PRKCA: variants seen among roughly 807,000 people sequenced by gnomAD.
PRKCA encodes protein kinase C alpha type.
Under a neutral mutation model 87.0 loss-of-function variants are expected in PRKCA, and 27 were observed. The ratio of observed to expected loss-of-function variants is 0.31; its 90% CI spans 0.23 to 0.43. PRKCA has a LOEUF of 0.43. PRKCA is among the 20% of genes least tolerant of loss of function. PRKCA has a pLI of 1.00. For synonymous variants in PRKCA, 329 were observed against 311.1 expected (o/e 1.06, Z -0.61); for missense variants, 518 against 852.3 (o/e 0.61, Z 4.88).
intron 16 of PRKCA, among the ~76,000 whole-genome samples, chr17:66,798,416 G>GTGA (rs1975730600): frequency 2.0e-5 from 2 of 98,704 alleles, no homozygotes; most frequent in Non-Finnish European, 4.4e-5. Flanking sequence ...GATGGTGATG[G>GTGA]TGGTGGTGGT....
intron 5 of PRKCA, among the ~76,000 whole-genome samples, chr17:66,650,120 G>A (rs764589950): frequency 2.0e-4 from 31 of 152,188 alleles, no homozygotes; most frequent in Non-Finnish European, 3.2e-4. Flanking sequence ...TAATTGCTAG[G>A]TTAGTTCAAA....
At chr17:66,640,223 G>C (rs1188976210) in intron 3 of PRKCA, among the ~76,000 whole-genome samples, 2 of 152,136 alleles carry the variant, frequency 1.3e-5, no homozygotes, top group Non-Finnish European at 2.9e-5. Flanking sequence ...ATTCGTCCAA[G>C]GCCATGCCTC....
intron 3 of PRKCA, among the ~76,000 whole-genome samples, chr17:66,506,543 T>C (rs1046030290): frequency 2.0e-5 from 3 of 152,154 alleles, no homozygotes; most frequent in African/African-American, 7.2e-5. Context: ...TAACCTAACT[T>C]GATCACCAGT....
At chr17:66,721,780 G>C (rs937919126) in intron 8 of PRKCA, among the ~76,000 whole-genome samples, 1 of 152,128 alleles carries the variant, frequency 6.6e-6, no homozygotes, top group African/African-American at 2.4e-5. Context: ...GGTCTTTATG[G>C]TCTGTACCTT....
intron 3 of PRKCA, among the ~76,000 whole-genome samples, chr17:66,498,774 G>T (rs746823312): frequency 7.2e-5 from 11 of 152,266 alleles, no homozygotes; most frequent in Admixed American, 5.2e-4. Flanking sequence ...GTACGCGCAT[G>T]TGTGCACACA....
At position 66,443,350 on chromosome 17, in the gene PRKCA, G is replaced by A. The variant is rs545983845; in HGVS notation, c.206-52851G>A. On this transcript the variant is annotated intron_variant, in intron 2 of 16. Coordinates refer to ENST00000413366, the MANE Select transcript of PRKCA (RefSeq NM_002737.3). ...GGGGAAAACTATGATGAGGTTGTTG[G>A]CATTTGTTACTCTTGGAAAGAAGTG... 1.2e-3 allele frequency among the ~76,000 whole-genome samples: 180 copies of A among 152,314 alleles called. 1 individual carries two copies. The Middle Eastern group carries it at 0.014, about 12-fold the overall frequency.
chr17:66,773,319 A>T (rs1411906087), intron 13 of PRKCA, among the ~76,000 whole-genome samples: 3 of 152,094 alleles, frequency 2.0e-5, no homozygotes, highest in Non-Finnish European at 4.4e-5. Flanking sequence ...AAAGTGTTTT[A>T]AAACTTCTGT....
intron 3 of PRKCA, among the ~76,000 whole-genome samples, chr17:66,608,577 A>G (rs2143625165): frequency 1.3e-5 from 2 of 152,340 alleles, no homozygotes; most frequent in East Asian, 3.9e-4. Context: ...TTGTTGCTGA[A>G]AAGGAATTCA....
Position 66,619,162 on chromosome 17 carries a change from A to G in PRKCA, c.289-22193A>G, listed in dbSNP as rs567620879. On this transcript the variant is annotated intron_variant, in intron 3 of 16. Coordinates refer to ENST00000413366, the MANE Select transcript of PRKCA (RefSeq NM_002737.3). The stretch of plus-strand genomic sequence containing the variant: ...ACTAGTTTTGCAAACTGGCAGAAGT[A>G]GTGGTTCTTTACTAAGATGGCTCAA... Among the ~76,000 whole-genome samples the G allele has an allele frequency of 1.1e-4, 17 of 152,324 alleles. No individual in the cohort carries two copies. The East Asian group carries it at 3.1e-3, about 28-fold the overall frequency.
chr17:66,734,653 C>T (rs1254081857), intron 9 of PRKCA, among the ~76,000 whole-genome samples: 2 of 152,172 alleles, frequency 1.3e-5, no homozygotes, highest in African/African-American at 2.4e-5. Flanking sequence ...TGCTGACCTC[C>T]TATCTCATCC....
intron 3 of PRKCA, among the ~76,000 whole-genome samples, chr17:66,607,538 T>C (rs1393260552): frequency 6.6e-6 from 1 of 152,224 alleles, no homozygotes; most frequent in Non-Finnish European, 1.5e-5. Flanking sequence ...CCTCATTTTC[T>C]CCTCCCTTAT....
chr17:66,448,641 A>G (rs538076324), intron 2 of PRKCA, among the ~76,000 whole-genome samples: 4 of 152,184 alleles, frequency 2.6e-5, no homozygotes, highest in Non-Finnish European at 4.4e-5. Flanking sequence ...GTTATAAGGA[A>G]AGTCTCTCCT....
chr17:66,324,065 TTTAG>T (rs1179671152), intron 2 of PRKCA, among the ~76,000 whole-genome samples: 47 of 152,170 alleles, frequency 3.1e-4, no homozygotes, highest in Admixed American at 2.5e-3. Context: ...AAAATTGGGT[TTTAG>T]TTATTTTTGT....
chr17:66,498,999 G>T (rs191597775), intron 3 of PRKCA, among the ~76,000 whole-genome samples: 109 of 152,298 alleles, frequency 7.2e-4, no homozygotes, highest in Non-Finnish European at 1.2e-3. Context: ...AGTCACATTG[G>T]CGGTTAAGTT....
At chr17:66,740,416 G>A (rs1051877846) in intron 11 of PRKCA, among the ~76,000 whole-genome samples, 2 of 152,154 alleles carry the variant, frequency 1.3e-5, no homozygotes, top group Non-Finnish European at 2.9e-5. Context: ...TCGGGGGCAT[G>A]TACCCTGATG....
At chr17:66,334,272 CA>C (rs1299832050) in intron 2 of PRKCA, among the ~76,000 whole-genome samples, 1 of 151,542 alleles carries the variant, frequency 6.6e-6, no homozygotes, top group African/African-American at 2.4e-5. Flanking sequence ...AACAAAACAC[CA>C]AAAAAACTGT....
Position 66,689,338 on chromosome 17 carries a change from A to G in PRKCA, c.918+291A>G, listed in dbSNP as rs61762448. On this transcript the variant is annotated intron_variant, in intron 8 of 16. Coordinates refer to ENST00000413366, the MANE Select transcript of PRKCA (RefSeq NM_002737.3). This position sits in a 1 kb window ranked among gnomAD's most constrained non-coding sequence, Gnocchi z 4.1. ...TTTGCACATCACTGGGGAGAGAAGC[A>G]GGCTCTGAGGGCAGGATTGTTCTTA... Among the ~76,000 whole-genome samples the G allele has an allele frequency of 6.0e-4, 91 of 152,302 alleles. No homozygotes were observed. The highest frequency in any genetic ancestry group is 2.1e-3 in the African/African-American group (88 of 41,572).
intron 3 of PRKCA, among the ~76,000 whole-genome samples, chr17:66,582,164 A>G (rs1331909104): frequency 1.3e-5 from 2 of 152,142 alleles, no homozygotes; most frequent in Non-Finnish European, 2.9e-5. Context: ...CGTGTATAGT[A>G]ATTGCTGTTT....
At chr17:66,323,191 G>A (rs1208490872) in intron 2 of PRKCA, among the ~76,000 whole-genome samples, 2 of 152,028 alleles carry the variant, frequency 1.3e-5, no homozygotes, top group Non-Finnish European at 2.9e-5. Flanking sequence ...TTGACCTGTG[G>A]AGTTTTCCAC....
Sources: allele counts gnomAD v4.1 joint callset (sites outside exome capture counted in the v4.1 genomes callset), GRCh38; gene constraint gnomAD v4.1.1; non-coding constraint Gnocchi (gnomAD v3.1); transcripts MANE v1.5; gene names NCBI Gene and HGNC (gene_info 2026-07-23, HGNC 2026-07-21).